KCNMB2: variants seen among roughly 807,000 people sequenced by gnomAD.
The protein encoded by KCNMB2 is potassium calcium-activated channel subfamily M regulatory beta subunit 2.
Under a neutral mutation model 24.5 loss-of-function variants are expected in KCNMB2, and 9 were observed. The observed-to-expected ratio is 0.37, with a 90% CI of 0.22 to 0.64. KCNMB2 has a LOEUF of 0.64. KCNMB2 is among the 30% of genes least tolerant of loss of function. KCNMB2 has a pLI of 0.63. For missense variants in KCNMB2, 226 were observed against 284.3 expected (o/e 0.79, Z 1.47); for synonymous variants, 109 against 104.4 (o/e 1.04, Z -0.27).
intron 1 of KCNMB2, among the ~76,000 whole-genome samples, chr3:178,551,449 C>T (rs1000820639): frequency 6.6e-6 from 1 of 152,154 alleles, no homozygotes; most frequent in African/African-American, 2.4e-5. Context: ...AACTGCAGGC[C>T]ACACTGCCTG....
At chr3:178,815,717 G>C (rs1021575534) in intron 2 of KCNMB2, among the ~76,000 whole-genome samples, 3 of 151,866 alleles carry the variant, frequency 2.0e-5, no homozygotes, top group African/African-American at 7.2e-5. Context: ...TTTTCAATTT[G>C]ATAGGAGTTT....
intron 1 of KCNMB2, among the ~76,000 whole-genome samples, chr3:178,687,919 T>C (rs560556845): frequency 6.6e-6 from 1 of 152,292 alleles, no homozygotes; most frequent in Non-Finnish European, 1.5e-5. Flanking sequence ...AGGAAAAATA[T>C]CTTTGCCTGA....
At chr3:178,620,097 G>C (rs149451906) in intron 1 of KCNMB2, among the ~76,000 whole-genome samples, 1 of 152,190 alleles carries the variant, frequency 6.6e-6, no homozygotes, top group African/African-American at 2.4e-5. Context: ...AGAAACTGAG[G>C]CTCCCACAGG....
At chr3:178,696,713 C>G (rs1721891257) in intron 1 of KCNMB2, among the ~76,000 whole-genome samples, 1 of 152,132 alleles carries the variant, frequency 6.6e-6, no homozygotes, top group Admixed American at 6.5e-5. Flanking sequence ...TGAGATCTTT[C>G]TAACTTTTTG....
intron 1 of KCNMB2, among the ~76,000 whole-genome samples, chr3:178,735,113 G>A (rs1723274388): frequency 6.6e-6 from 1 of 152,322 alleles, no homozygotes; most frequent in Admixed American, 6.5e-5. Flanking sequence ...AAGCTTTAGT[G>A]TCTGTCTGTA....
At chr3:178,708,622 G>A (rs1430279469) in intron 1 of KCNMB2, among the ~76,000 whole-genome samples, 1 of 151,978 alleles carries the variant, frequency 6.6e-6, no homozygotes, top group Non-Finnish European at 1.5e-5. Flanking sequence ...AGTAGCAATA[G>A]CATCACCTAC....
At chr3:178,549,973 G>A (rs1715894364) in intron 1 of KCNMB2, among the ~76,000 whole-genome samples, 2 of 151,502 alleles carry the variant, frequency 1.3e-5, no homozygotes, top group Admixed American at 1.3e-4. Context: ...CATTATTTAT[G>A]AAAAGAAAAA....
chr3:178,674,802 G>A (rs540568236), intron 1 of KCNMB2, among the ~76,000 whole-genome samples: 8 of 152,160 alleles, frequency 5.3e-5, no homozygotes, highest in African/African-American at 1.9e-4. Context: ...CTCTTCCACT[G>A]CTCTCCCCTT....
chr3:178,832,873 G>T (rs1715097124), intron 4 of KCNMB2, among the ~76,000 whole-genome samples: 1 of 80,112 alleles, frequency 1.2e-5, no homozygotes, highest in Non-Finnish European at 2.3e-5. Flanking sequence ...AGTCTATTTT[G>T]ATATCTTCAC....
chr3:178,649,429 T>G (rs1720028906), intron 1 of KCNMB2, among the ~76,000 whole-genome samples: 1 of 152,120 alleles, frequency 6.6e-6, no homozygotes, highest in South Asian at 2.1e-4. Context: ...CTGCAACAGT[T>G]CTCCCAACAT....
chr3:178,629,480 G>A (rs1019180023), intron 1 of KCNMB2, among the ~76,000 whole-genome samples: 1 of 152,026 alleles, frequency 6.6e-6, no homozygotes, highest in Non-Finnish European at 1.5e-5. Flanking sequence ...TACTTGGTTG[G>A]GGTGAGAATG....
chr3:178,813,163 A>G (rs1178471116), intron 2 of KCNMB2, among the ~76,000 whole-genome samples: 5 of 152,208 alleles, frequency 3.3e-5, no homozygotes, highest in Non-Finnish European at 7.3e-5. Context: ...ATTTAAAAAA[A>G]GTGTACATCA....
intron 1 of KCNMB2, among the ~76,000 whole-genome samples, chr3:178,800,528 C>A (rs1262429440): frequency 6.6e-6 from 1 of 152,104 alleles, no homozygotes; most frequent in Non-Finnish European, 1.5e-5. Flanking sequence ...CAGGGAATAA[C>A]AAATGCTAGT....
At chr3:178,754,161 T>TATATAG (rs1560002933) in intron 1 of KCNMB2, among the ~76,000 whole-genome samples, 1 of 77,732 alleles carries the variant, frequency 1.3e-5, no homozygotes, top group Admixed American at 1.2e-4. Context: ...TATATATATA[T>TATATAG]ATATATATAT....
intron 1 of KCNMB2, among the ~76,000 whole-genome samples, chr3:178,577,094 A>G (rs1265627598): frequency 1.3e-5 from 2 of 152,126 alleles, no homozygotes; most frequent in African/African-American, 2.4e-5. Flanking sequence ...TGAGGTGTCA[A>G]CAGGCACCTC....
chr3:178,677,907 G>A (rs1354647650), intron 1 of KCNMB2, among the ~76,000 whole-genome samples: 2 of 152,214 alleles, frequency 1.3e-5, no homozygotes, highest in African/African-American at 4.8e-5. Flanking sequence ...AAATGATCAT[G>A]TATGTTACAT....
At chr3:178,573,054 G>T (rs1716862558) in intron 1 of KCNMB2, among the ~76,000 whole-genome samples, 1 of 151,828 alleles carries the variant, frequency 6.6e-6, no homozygotes, top group Non-Finnish European at 1.5e-5. Flanking sequence ...CTGTCACCCA[G>T]GTTAGAGGAC....
intron 1 of KCNMB2, among the ~76,000 whole-genome samples, chr3:178,543,466 G>A (rs1715685093): frequency 6.6e-6 from 1 of 152,218 alleles, no homozygotes; most frequent in East Asian, 1.9e-4. Flanking sequence ...AGTGCACAAC[G>A]TGCATGAAAT....
At chr3:178,578,116 G>C (rs981613881) in intron 1 of KCNMB2, among the ~76,000 whole-genome samples, 2 of 152,220 alleles carry the variant, frequency 1.3e-5, no homozygotes, top group Admixed American at 1.3e-4. Flanking sequence ...AAATGTTAAG[G>C]GCAGCCAGAG....
Sources: allele counts gnomAD v4.1 joint callset (sites outside exome capture counted in the v4.1 genomes callset), GRCh38; gene constraint gnomAD v4.1.1; transcripts MANE v1.5; gene names NCBI Gene and HGNC (gene_info 2026-07-23, HGNC 2026-07-21).